Variants in PPFIBP2 observed in about 807,000 individuals in gnomAD.
The protein encoded by PPFIBP2 is liprin-beta-2.
Under a neutral mutation model 118.3 loss-of-function variants are expected in PPFIBP2, and 118 were observed. The observed-to-expected ratio is 1.00, with a 90% confidence interval of 0.86 to 1.16. PPFIBP2 has a LOEUF of 1.16. Among genes scored for constraint, PPFIBP2 ranks in the 50% most tolerant of loss-of-function variants. PPFIBP2 has a pLI of 0.00. For synonymous variants in PPFIBP2, 414 were observed against 397.4 expected, an observed-to-expected ratio of 1.04 and a Z score of -0.50; for missense variants, 1,195 against 1,073.1, an observed-to-expected ratio of 1.11 and a Z score of -1.59.
At chr11:7,594,916 CAAA>C (rs58084975) in intron 4 of PPFIBP2, among the ~76,000 whole-genome samples, 1 of 64,044 alleles carries the variant, frequency 1.6e-5, no homozygotes. Flanking sequence ...GACTCCATCT[CAAA>C]AAAAAAAAAA....
intron 9 of PPFIBP2, among the ~76,000 whole-genome samples, chr11:7,628,614 C>A (rs1850336947): frequency 6.6e-6 from 1 of 152,196 alleles, no homozygotes; most frequent in Non-Finnish European, 1.5e-5. Context: ...GAAAAAAATA[C>A]TGCTGTGATC....
chr11:7,626,190 A>G (rs1190662541), intron 8 of PPFIBP2, among the ~76,000 whole-genome samples: 3 of 152,146 alleles, frequency 2.0e-5, no homozygotes, highest in Admixed American at 2.0e-4. Context: ...GCTTTTACTG[A>G]AAATGTAGGA....
intron 16 of PPFIBP2, 105 bp from the exon 17 acceptor site, chr11:7,642,193 G>A (rs1405603279): frequency 1.5e-5 from 21 of 1,374,182 alleles, no homozygotes; most frequent in Non-Finnish European, 1.9e-5. Context: ...CAGTGCTGCC[G>A]AGAGTCCCTG....
intron 1 of PPFIBP2, among the ~76,000 whole-genome samples, chr11:7,530,605 CT>C (rs1403647782): frequency 1.3e-5 from 2 of 152,234 alleles, no homozygotes; most frequent in African/African-American, 2.4e-5. Flanking sequence ...GACACTGACT[CT>C]GCTGGTGCCT....
chr11:7,603,323 T>C (rs1190687091), intron 5 of PPFIBP2, among the ~76,000 whole-genome samples: 1 of 152,152 alleles, frequency 6.6e-6, no homozygotes, highest in Non-Finnish European at 1.5e-5. Context: ...ATTTTACAGA[T>C]AAGAGTGAGG....
chr11:7,625,675 A>G, intron 7 of PPFIBP2, 102 bp from the exon 8 acceptor site: 1 of 869,412 alleles, frequency 1.2e-6, no homozygotes, highest in Non-Finnish European at 1.9e-6. Flanking sequence ...CTAACTCCTG[A>G]TGCACCCTGG....
At chr11:7,648,253 A>G (rs973827601) in intron 17 of PPFIBP2, 134 bp from the exon 18 acceptor site, 11 of 971,832 alleles carry the variant, frequency 1.1e-5, no homozygotes, top group Non-Finnish European at 1.6e-5. Flanking sequence ...GAATCCCATG[A>G]TGGAGGTTGT....
At position 7,616,957 on chromosome 11, in the gene PPFIBP2, G is replaced by T. The variant is rs1233811604; in HGVS notation, c.619-3978G>T. Among the ~76,000 whole-genome samples the T allele has an allele frequency of 6.6e-6, 1 of 152,126 alleles. No individual in the cohort carries two copies. Among genetic ancestry groups the T allele is most frequent in the African/African-American group, 2.4e-5 (1 of 41,432 alleles). On this transcript the variant is annotated intron_variant, in intron 6 of 23. Transcript: ENST00000299492. This position sits in a 1 kb window ranked among gnomAD's most constrained non-coding sequence, Gnocchi z 5.2. ...GAAAAATGCCATGTCTTTTGGTTCTGTTGTGGAAAGTGGAGGGCCGTCGAC... is the reference window on the plus strand; with the variant it reads ...GAAAAATGCCATGTCTTTTGGTTCTTTTGTGGAAAGTGGAGGGCCGTCGAC...
intron 2 of PPFIBP2, among the ~76,000 whole-genome samples, chr11:7,553,913 A>G (rs1853280021): frequency 6.6e-6 from 1 of 152,118 alleles, no homozygotes; most frequent in African/African-American, 2.4e-5. Context: ...AGGGAAGGAT[A>G]CTTTTCTGCT....
chr11:7,655,436 G>A (rs1306620978), downstream of PPFIBP2: 1 of 1,289,740 alleles, frequency 7.8e-7, no homozygotes, highest in East Asian at 5.6e-5. Flanking sequence ...TTTACAGATG[G>A]CACCTTCGGA....
chr11:7,556,051 A>G (rs1215658013), intron 2 of PPFIBP2, among the ~76,000 whole-genome samples: 1 of 152,172 alleles, frequency 6.6e-6, no homozygotes, highest in Non-Finnish European at 1.5e-5. Context: ...TATTTTATCT[A>G]AAGTACTTTG....
At chr11:7,618,252 A>G (rs1565067346) in intron 6 of PPFIBP2, among the ~76,000 whole-genome samples, 2 of 152,198 alleles carry the variant, frequency 1.3e-5, no homozygotes, top group Admixed American at 1.3e-4. Flanking sequence ...AAGCCTTGAG[A>G]GGGTGTTGGC....
chr11:7,659,233 G>A (rs1380142801), downstream of PPFIBP2, among the ~76,000 whole-genome samples: 2 of 149,138 alleles, frequency 1.3e-5, no homozygotes, highest in African/African-American at 5.0e-5. Context: ...CCTATGTCCT[G>A]AATGGTAATG....
chr11:7,665,221 T>C, the PPFIBP2 span: 11 of 622,782 alleles, frequency 1.8e-5, no homozygotes, highest in South Asian at 1.2e-4. Context: ...GAGCCCTTTT[T>C]GTTAGGCCCA....
intron 7 of PPFIBP2, among the ~76,000 whole-genome samples, chr11:7,622,526 AAAAG>A (rs1849472814): frequency 3.3e-5 from 5 of 152,374 alleles, no homozygotes; most frequent in South Asian, 2.1e-4. Flanking sequence ...TCATGTTATC[AAAAG>A]AAAGCACTGA....
the PPFIBP2 span, among the ~76,000 whole-genome samples, chr11:7,663,450 T>A: frequency 2.0e-5 from 3 of 152,082 alleles, no homozygotes; most frequent in Non-Finnish European, 2.9e-5. Flanking sequence ...GCCTCCCAGT[T>A]AGGCTGCTCA....
intron 4 of PPFIBP2, 67 bp from the exon 5 acceptor site, chr11:7,597,493 G>C: frequency 6.5e-7 from 1 of 1,530,962 alleles, no homozygotes; most frequent in Non-Finnish European, 8.9e-7. Flanking sequence ...CTCCCCTGAG[G>C]TGGGGAGGCT....
At chr11:7,646,669 A>G (rs78019061) in intron 17 of PPFIBP2, among the ~76,000 whole-genome samples, 18,379 of 152,156 alleles carry the variant, frequency 0.12, 1,173 homozygotes, top group Middle Eastern at 0.19. Flanking sequence ...AGGCTGTAAT[A>G]AGCTGTAATT....
chr11:7,526,329 A>G (rs1050274365), intron 1 of PPFIBP2, among the ~76,000 whole-genome samples: 10 of 152,224 alleles, frequency 6.6e-5, no homozygotes, highest in Non-Finnish European at 1.5e-4. Context: ...TAAAAGGCAT[A>G]GAAGCCCAAG....
Sources: allele counts gnomAD v4.1 joint callset (sites outside exome capture counted in the v4.1 genomes callset), GRCh38; gene constraint gnomAD v4.1.1; non-coding constraint Gnocchi (gnomAD v3.1); transcripts MANE v1.5; gene names NCBI Gene and HGNC (gene_info 2026-07-23, HGNC 2026-07-21).